Variants in PGPEP1L observed in about 807,000 individuals in gnomAD.
PGPEP1L encodes pyroglutamyl-peptidase 1-like protein.
PGPEP1L carries 7 observed loss-of-function variants against 6.0 expected under a neutral mutation model. The ratio of observed to expected loss-of-function variants is 1.17; its 90% confidence interval spans 0.66 to 2.19. The LOEUF (loss-of-function observed/expected upper bound fraction) is 2.19. PGPEP1L is among the 30% of genes most tolerant of loss of function. The probability of loss-of-function intolerance (pLI) is 0.00; values close to 1 mark genes in which losing one functional copy is unlikely to be tolerated. For synonymous variants in PGPEP1L, 103 were observed against 83.9 expected (o/e 1.23, Z -1.24); for missense variants, 209 against 192.5 (o/e 1.09, Z -0.51).
At chr15:98,992,443 T>C (rs2017832498) in intron 2 of PGPEP1L, among the ~76,000 whole-genome samples, 1 of 151,728 alleles carries the variant, frequency 6.6e-6, no homozygotes. Context: ...CTCAAGGAAA[T>C]GAGAGGACAC....
chr15:99,000,065 G>C (rs1479003740), intron 2 of PGPEP1L, among the ~76,000 whole-genome samples: 1 of 152,220 alleles, frequency 6.6e-6, no homozygotes, highest in African/African-American at 2.4e-5. Context: ...GCGCGGGCGG[G>C]AACCGGGGCT....
At chr15:98,979,683 C>G (rs529020019) in intron 2 of PGPEP1L, among the ~76,000 whole-genome samples, 3 of 116,596 alleles carry the variant, frequency 2.6e-5, no homozygotes, top group Non-Finnish European at 4.9e-5. Context: ...CAGAGTCTCA[C>G]TCTGTCACCC....
chr15:98,988,255 T>G (rs1023903842), intron 2 of PGPEP1L, among the ~76,000 whole-genome samples: 23 of 152,240 alleles, frequency 1.5e-4, no homozygotes, highest in Admixed American at 7.8e-4. Flanking sequence ...AAATTCTCAC[T>G]GCAGCATAGC....
chr15:98,977,287 G>C (rs2017584186), intron 2 of PGPEP1L, among the ~76,000 whole-genome samples: 1 of 151,952 alleles, frequency 6.6e-6, no homozygotes, highest in Non-Finnish European at 1.5e-5. Flanking sequence ...AGTTTAATTT[G>C]TTCTGTTAGT....
At chr15:98,984,113 C>G (rs767122718) in intron 2 of PGPEP1L, among the ~76,000 whole-genome samples, 1 of 150,952 alleles carries the variant, frequency 6.6e-6, no homozygotes, top group Non-Finnish European at 1.5e-5. Flanking sequence ...CGGGTTCACA[C>G]CATTCTCCTG....
At chr15:98,983,169 A>AAAG (rs3052062) in intron 2 of PGPEP1L, among the ~76,000 whole-genome samples, 36,291 of 149,542 alleles carry the variant, frequency 0.24, 5,866 homozygotes, top group Non-Finnish European at 0.36. Context: ...AAAAAAAAAA[A>AAAG]AAGAAGAATC....
intron 2 of PGPEP1L, among the ~76,000 whole-genome samples, chr15:98,991,658 G>T (rs1169960261): frequency 6.6e-5 from 10 of 152,114 alleles, no homozygotes; most frequent in African/African-American, 2.4e-4. Flanking sequence ...CAAAAAAAGA[G>T]AATTTCAGGC....
intron 2 of PGPEP1L, among the ~76,000 whole-genome samples, chr15:98,979,172 G>C (rs924992252): frequency 1.3e-5 from 2 of 152,058 alleles, no homozygotes; most frequent in African/African-American, 4.8e-5. Context: ...CGTAACCCAG[G>C]AAGGATGTGA....
chr15:98,974,356 G>A (rs1323435213), intron 2 of PGPEP1L, among the ~76,000 whole-genome samples: 1 of 152,022 alleles, frequency 6.6e-6, no homozygotes, highest in Non-Finnish European at 1.5e-5. Context: ...TCCAGCCTGG[G>A]TGACCGTGTG....
intron 2 of PGPEP1L, among the ~76,000 whole-genome samples, chr15:98,981,382 C>T (rs1048855953): frequency 6.6e-6 from 1 of 150,762 alleles, no homozygotes; most frequent in Non-Finnish European, 1.5e-5. Context: ...CCCAGCTACT[C>T]GAGAGGCTGA....
chr15:98,982,470 G>A (rs1596517769), intron 2 of PGPEP1L, among the ~76,000 whole-genome samples: 1 of 152,136 alleles, frequency 6.6e-6, no homozygotes, highest in Non-Finnish European at 1.5e-5. Context: ...CCACTAACAA[G>A]GTGGGGCTCA....
intron 2 of PGPEP1L, among the ~76,000 whole-genome samples, chr15:98,983,657 T>C (rs2017701639): frequency 6.6e-6 from 1 of 152,194 alleles, no homozygotes; most frequent in Admixed American, 6.5e-5. Context: ...CAGGTCACTA[T>C]GTAAAACTTG....
At chr15:99,006,542 CTT>C (rs1441284431) in intron 1 of PGPEP1L, among the ~76,000 whole-genome samples, 3 of 152,228 alleles carry the variant, frequency 2.0e-5, no homozygotes, top group East Asian at 1.9e-4. Context: ...ACAAAACAAA[CTT>C]TTGGCCAGGT....
intron 2 of PGPEP1L, 36 bp from the exon 3 acceptor site, chr15:98,971,194 TGGGGGGG>T (rs57036063): frequency 0.45 from 265,369 of 586,758 alleles, 61,993 homozygotes; most frequent in East Asian, 0.58. Flanking sequence ...CCTCAGTTGA[TGGGGGGG>T]GGGGGGGGGT....
At chr15:98,982,699 G>A (rs2017682206) in intron 2 of PGPEP1L, among the ~76,000 whole-genome samples, 1 of 73,466 alleles carries the variant, frequency 1.4e-5, no homozygotes, top group Non-Finnish European at 3.3e-5. Context: ...TTTATCTGAG[G>A]CTTTTTTTTT....
intron 2 of PGPEP1L, chr15:99,001,402 T>C (rs2017966926): frequency 5.8e-6 from 1 of 173,252 alleles, no homozygotes; most frequent in Non-Finnish European, 1.3e-5. Flanking sequence ...TGGGTATGTG[T>C]GTTGTGGGGG....
intron 2 of PGPEP1L, among the ~76,000 whole-genome samples, chr15:98,979,051 T>A (rs1451648168): frequency 6.6e-6 from 1 of 150,522 alleles, no homozygotes; most frequent in African/African-American, 2.5e-5. Flanking sequence ...ATATATATAT[T>A]TTTATTACAT....
chr15:99,001,737 A>C (rs1036152364), intron 2 of PGPEP1L, among the ~76,000 whole-genome samples: 2 of 152,074 alleles, frequency 1.3e-5, no homozygotes, highest in Admixed American at 1.3e-4. Flanking sequence ...TTGCTTTTTG[A>C]GACAGAGTCT....
intron 1 of PGPEP1L, 138 bp downstream of exon 1, chr15:99,007,221 A>C (rs1166305324): frequency 2.0e-5 from 3 of 151,460 alleles, no homozygotes; most frequent in South Asian, 2.1e-4. Flanking sequence ...CCACCTTGCC[A>C]TGAGTGGGAT....
Sources: gnomAD v4.1 joint callset for allele counts (sites outside exome capture counted in the v4.1 genomes callset) on GRCh38, gnomAD v4.1.1 for gene constraint, MANE v1.5 for transcripts, NCBI Gene and HGNC (gene_info 2026-07-23, HGNC 2026-07-21) for gene names.